Variants in FHIT observed in about 807,000 individuals in gnomAD.
FHIT encodes fragile histidine triad diadenosine triphosphatase.
In FHIT, 19 loss-of-function variants were observed where a neutral mutation model predicts 17.9. The ratio of observed to expected loss-of-function variants is 1.06; its 90% confidence interval spans 0.74 to 1.56. The LOEUF (loss-of-function observed/expected upper bound fraction) is 1.56. FHIT is among the 40% of genes most tolerant of loss of function. FHIT has a pLI of 0.00. For synonymous variants in FHIT, 81 were observed against 69.7 expected (o/e 1.16, Z -0.81); for missense variants, 248 against 189.2 (o/e 1.31, Z -1.82).
intron 5 of FHIT, among the ~76,000 whole-genome samples, chr3:60,193,983 G>A (rs1262248507): frequency 6.6e-6 from 1 of 152,170 alleles, no homozygotes; most frequent in African/African-American, 2.4e-5. Flanking sequence ...TCATGGATTG[G>A]AAGAATATCA....
intron 5 of FHIT, among the ~76,000 whole-genome samples, chr3:60,095,986 A>G (rs1312497206): frequency 2.0e-5 from 3 of 152,154 alleles, no homozygotes; most frequent in Non-Finnish European, 2.9e-5. Context: ...GGAATCATAA[A>G]AAGACCAGAA....
At chr3:60,074,519 C>G (rs1702920316) in intron 5 of FHIT, among the ~76,000 whole-genome samples, 2 of 151,956 alleles carry the variant, frequency 1.3e-5, no homozygotes, top group Admixed American at 1.3e-4. Flanking sequence ...TTCATTCATT[C>G]AGCAAATGTG....
At chr3:61,078,961 T>A (rs1448114920) in intron 2 of FHIT, among the ~76,000 whole-genome samples, 2 of 152,076 alleles carry the variant, frequency 1.3e-5, no homozygotes, top group Admixed American at 6.5e-5. Flanking sequence ...ATGTCCTTTT[T>A]CCAAAACATG....
intron 4 of FHIT, among the ~76,000 whole-genome samples, chr3:60,593,082 T>C (rs2038144045): frequency 6.6e-6 from 1 of 152,086 alleles, no homozygotes; most frequent in African/African-American, 2.4e-5. Context: ...TTCTCCAACA[T>C]CTAGGGGGAA....
chr3:60,753,928 A>C (rs1175496657), intron 4 of FHIT, among the ~76,000 whole-genome samples: 1 of 152,158 alleles, frequency 6.6e-6, no homozygotes, highest in Non-Finnish European at 1.5e-5. Flanking sequence ...ATAAAAGATT[A>C]CAAGGAAAAA....
At chr3:60,282,444 A>C (rs1707505952) in intron 5 of FHIT, among the ~76,000 whole-genome samples, 1 of 152,188 alleles carries the variant, frequency 6.6e-6, no homozygotes, top group Non-Finnish European at 1.5e-5. Context: ...GATCCAATAT[A>C]GTTTCTTAGG....
Position 60,087,615 on chromosome 3 carries a change from C to T in FHIT, c.104-73463G>A, listed in dbSNP as rs116645306. Among the ~76,000 whole-genome samples the T allele has an allele frequency of 2.4e-3, 368 of 152,290 alleles. 1 individual carries two copies. Among genetic ancestry groups the T allele is most frequent in the African/African-American group, 8.6e-3 (359 of 41,562 alleles). Reference sequence around the variant, plus strand: ...TTTCATCCACCAGATACCCCACCCTCATCACTTTTAAGTTCGACCTTCCAC... The same window carrying T: ...TTTCATCCACCAGATACCCCACCCTTATCACTTTTAAGTTCGACCTTCCAC... On this transcript the variant is annotated intron_variant, in intron 5 of 9. Coordinates refer to ENST00000492590, the MANE Select transcript of FHIT (RefSeq NM_002012.4).
rs188104749 is a variant in FHIT at position 61,202,907 on chromosome 3, G to A, written c.-212-2242C>T. The stretch of plus-strand genomic sequence containing the variant: ...TCTCTACTAAAAATACAGGCCGGGC[G>A]CGGTGGCTCACTCCTGTAATCCCAG... On this transcript the variant is annotated intron_variant, in intron 1 of 9. Coordinates refer to ENST00000492590, the MANE Select transcript of FHIT (RefSeq NM_002012.4). Among the ~76,000 whole-genome samples, 17 of 152,118 alleles carry A rather than the reference G, an allele frequency of 1.1e-4. 1 individual carries two copies. The South Asian group carries it at 1.2e-3, about 11-fold the overall frequency.
intron 5 of FHIT, among the ~76,000 whole-genome samples, chr3:60,108,444 T>G (rs756665141): frequency 1.3e-5 from 2 of 152,134 alleles, no homozygotes; most frequent in Non-Finnish European, 2.9e-5. Flanking sequence ...ATTTTGTTTT[T>G]ATTTCATGCC....
intron 5 of FHIT, among the ~76,000 whole-genome samples, chr3:60,313,561 T>G (rs1416923064): frequency 6.6e-6 from 1 of 152,352 alleles, no homozygotes; most frequent in East Asian, 1.9e-4. Context: ...TCACGTAAAG[T>G]GCAAACAACT....
chr3:61,235,154 G>T (rs1400390512), intron 1 of FHIT, among the ~76,000 whole-genome samples: 1 of 152,086 alleles, frequency 6.6e-6, no homozygotes, highest in Non-Finnish European at 1.5e-5. Flanking sequence ...TTACAGAAAA[G>T]GTAGCTATCA....
chr3:59,947,017 C>A, intron 7 of FHIT, among the ~76,000 whole-genome samples: 1 of 152,312 alleles, frequency 6.6e-6, no homozygotes, highest in Admixed American at 6.5e-5. Context: ...CAGAAAAATG[C>A]TGGCCTCACA....
intron 4 of FHIT, among the ~76,000 whole-genome samples, chr3:60,602,544 C>T (rs1373789032): frequency 1.3e-5 from 2 of 151,824 alleles, no homozygotes; most frequent in African/African-American, 4.8e-5. Flanking sequence ...TGAAAGGTAC[C>T]CAGCTAAGAG....
chr3:59,783,861 G>A (rs752863186), intron 8 of FHIT, among the ~76,000 whole-genome samples: 177 of 152,236 alleles, frequency 1.2e-3, no homozygotes, highest in Non-Finnish European at 1.9e-3. Context: ...CCTCCCTGAC[G>A]CTTTGGTTCC....
At chr3:59,954,790 G>A (rs1341005534) in intron 7 of FHIT, among the ~76,000 whole-genome samples, 3 of 152,168 alleles carry the variant, frequency 2.0e-5, no homozygotes, top group Admixed American at 1.3e-4. Context: ...GAGGGACCAG[G>A]GAGATGGTTT....
chr3:60,721,811 T>C (rs1282116181), intron 4 of FHIT, among the ~76,000 whole-genome samples: 2 of 152,102 alleles, frequency 1.3e-5, no homozygotes, highest in African/African-American at 2.4e-5. Flanking sequence ...AAGAGTATTA[T>C]TATTATTATT....
intron 5 of FHIT, among the ~76,000 whole-genome samples, chr3:60,273,803 G>A (rs1031284646): frequency 4.6e-5 from 7 of 152,124 alleles, no homozygotes; most frequent in Admixed American, 1.3e-4. Context: ...GTATGTAGAT[G>A]AGAGCTGAGT....
At chr3:59,943,491 G>A (rs1706636642) in intron 7 of FHIT, among the ~76,000 whole-genome samples, 1 of 152,056 alleles carries the variant, frequency 6.6e-6, no homozygotes, top group African/African-American at 2.4e-5. Context: ...GACAAGAGAG[G>A]CCCTTGGTAA....
At chr3:60,496,660 C>G (rs1175818006) in intron 5 of FHIT, among the ~76,000 whole-genome samples, 1 of 152,092 alleles carries the variant, frequency 6.6e-6, no homozygotes, top group Non-Finnish European at 1.5e-5. Context: ...AGAGACTCAC[C>G]AGTACACTAG....
Sources: allele counts gnomAD v4.1 joint callset (sites outside exome capture counted in the v4.1 genomes callset), GRCh38; gene constraint gnomAD v4.1.1; transcripts MANE v1.5; gene names NCBI Gene and HGNC (gene_info 2026-07-23, HGNC 2026-07-21).